The following NTM variants were observed in gnomAD, a reference collection of about 807,000 sequenced individuals.
NTM encodes the protein IgLON family member 2.
A neutral mutation model predicts 42.1 loss-of-function variants in NTM; 13 were observed. That is an observed-to-expected ratio of 0.31 (90% CI 0.20 to 0.49). The LOEUF (loss-of-function observed/expected upper bound fraction) is 0.49. Ranked by LOEUF, NTM falls within the 20% of genes least tolerant of loss-of-function variation. The pLI, the probability that NTM is intolerant of heterozygous loss-of-function variation, is 0.99. For missense variants in NTM, 373 were observed against 452.8 expected (o/e 0.82, Z 1.60); for synonymous variants, 187 against 179.2 (o/e 1.04, Z -0.35).
rs1947714247 is a variant in NTM, at chr11:131,423,175, G to T, written c.82+52287G>T. Among the ~76,000 whole-genome samples the T allele has an allele frequency of 2.6e-5, 4 of 152,166 alleles. No individual in the cohort carries two copies. In the South Asian group the frequency reaches 8.3e-4, roughly 32 times the overall value. ...TACATATGCATATTATAGCTTCAAA[G>T]GTGCTGCTTTGCATCCTTTCACTTA... On this transcript the variant is annotated intron_variant, in intron 1 of 8. Coordinates refer to ENST00000683400, the MANE Select transcript of NTM (RefSeq NM_001352005.2).
intron 1 of NTM, among the ~76,000 whole-genome samples, chr11:131,817,769 G>T (rs6590603): frequency 0.076 from 11,627 of 152,252 alleles, 1,468 homozygotes; most frequent in African/African-American, 0.27. Flanking sequence ...CGTGAAGTTG[G>T]CAACACATCC....
chr11:131,803,908 C>T (rs1336818800), intron 1 of NTM, among the ~76,000 whole-genome samples: 2 of 152,232 alleles, frequency 1.3e-5, no homozygotes, highest in African/African-American at 4.8e-5. Context: ...CTTCACCTCC[C>T]ACTGTCCAAT....
intron 4 of NTM, among the ~76,000 whole-genome samples, chr11:132,216,554 G>A (rs1047575170): frequency 2.0e-5 from 3 of 152,148 alleles, no homozygotes; most frequent in Non-Finnish European, 4.4e-5. Flanking sequence ...TATTGGTAGG[G>A]ATATTCAGCA....
rs546850119 is a variant in NTM, at chr11:131,886,441, A to G, written c.83-25123A>G. 8.7e-4 allele frequency among the ~76,000 whole-genome samples: 133 copies of G among 152,228 alleles called. 4 individuals are homozygous for G. The South Asian group carries it at 0.027, about 31-fold the overall frequency. ...TCCCCGTTCCCCACCTGGGGATGCA[A>G]TGGTTTTGCTGGGGCAGCAGTTCAT... On this transcript the variant is annotated intron_variant, in intron 1 of 8. Coordinates refer to ENST00000683400, the MANE Select transcript of NTM (RefSeq NM_001352005.2).
At chr11:131,510,728 T>A (rs2048118813) in intron 1 of NTM, among the ~76,000 whole-genome samples, 1 of 152,246 alleles carries the variant, frequency 6.6e-6, no homozygotes, top group Admixed American at 6.5e-5. Flanking sequence ...GCTCATCCTG[T>A]GCCCATCTCT....
intron 1 of NTM, among the ~76,000 whole-genome samples, chr11:131,587,931 G>T (rs1444202853): frequency 3.3e-5 from 5 of 152,220 alleles, no homozygotes; most frequent in African/African-American, 9.6e-5. Flanking sequence ...TGATGAGGAA[G>T]AGTGACCCAT....
intron 1 of NTM, among the ~76,000 whole-genome samples, chr11:131,577,153 A>C (rs1034472131): frequency 2.6e-5 from 4 of 152,234 alleles, no homozygotes; most frequent in Admixed American, 6.5e-5. Context: ...ATTGGTAAAC[A>C]GGAATAATTG....
intron 1 of NTM, among the ~76,000 whole-genome samples, chr11:131,430,817 T>A (rs1360215562): frequency 6.6e-6 from 1 of 152,248 alleles, no homozygotes; most frequent in African/African-American, 2.4e-5. Flanking sequence ...AGGACCTTTC[T>A]GGGCCACACA....
At chr11:132,314,039 T>G (rs1591945305) in intron 6 of NTM, among the ~76,000 whole-genome samples, 1 of 152,156 alleles carries the variant, frequency 6.6e-6, no homozygotes, top group Admixed American at 6.5e-5. Flanking sequence ...GTATTATCTA[T>G]ACAATGCAAT....
rs769724770 is a variant in NTM, at chr11:131,666,464, G to A, written c.83-245100G>A. Among the ~76,000 whole-genome samples, 129 of 152,154 alleles carry A rather than the reference G, an allele frequency of 8.5e-4. 4 individuals carry two copies. Among genetic ancestry groups the A allele is most frequent in the Non-Finnish European group, 1.6e-4 (11 of 68,036 alleles). On this transcript the variant is annotated intron_variant, in intron 1 of 8. Transcript: ENST00000683400. ...ATATACCACAAATGCACAAGGCGTT[G>A]CGAGGGCAGGAGACCACCTGACTGC...
intron 2 of NTM, among the ~76,000 whole-genome samples, chr11:132,104,491 T>C (rs1255208839): frequency 6.6e-6 from 1 of 151,752 alleles, no homozygotes; most frequent in Non-Finnish European, 1.5e-5. Context: ...GTGACTCACA[T>C]CTCTAATTCC....
intron 1 of NTM, among the ~76,000 whole-genome samples, chr11:131,711,552 C>A (rs1338996676): frequency 6.6e-6 from 1 of 152,162 alleles, no homozygotes; most frequent in Non-Finnish European, 1.5e-5. Flanking sequence ...ACTAATTCAA[C>A]CATTGTGGAA....
At chr11:131,875,518 G>A (rs1373610647) in intron 1 of NTM, among the ~76,000 whole-genome samples, 1 of 152,156 alleles carries the variant, frequency 6.6e-6, no homozygotes, top group African/African-American at 2.4e-5. Flanking sequence ...GTGCACTGTG[G>A]TGCTGTTATA....
intron 3 of NTM, among the ~76,000 whole-genome samples, chr11:132,156,268 C>A (rs1214084342): frequency 6.6e-6 from 1 of 152,190 alleles, no homozygotes; most frequent in Non-Finnish European, 1.5e-5. Flanking sequence ...TCCTGCCTCA[C>A]TATTTTCATT....
chr11:131,726,828 C>T (rs1267111266), intron 1 of NTM, among the ~76,000 whole-genome samples: 1 of 150,014 alleles, frequency 6.7e-6, no homozygotes, highest in Admixed American at 6.6e-5. Context: ...ATCCTTCTGC[C>T]TCAGCCTCAT....
intron 2 of NTM, among the ~76,000 whole-genome samples, chr11:131,954,381 C>A (rs1310793353): frequency 6.6e-6 from 1 of 152,190 alleles, no homozygotes; most frequent in Non-Finnish European, 1.5e-5. Context: ...AGGCTGCAGG[C>A]CAAGCCTTCA....
chr11:131,401,818 A>ATATATATATGTGTG (rs1555101739), intron 1 of NTM, among the ~76,000 whole-genome samples: 3 of 43,002 alleles, frequency 7.0e-5, no homozygotes, highest in African/African-American at 2.3e-4. Context: ...ATATATATAT[A>ATATATATATGTGTG]TATATATATA....
chr11:131,975,398 T>C (rs896861955), intron 2 of NTM, among the ~76,000 whole-genome samples: 2 of 152,196 alleles, frequency 1.3e-5, no homozygotes, highest in African/African-American at 4.8e-5. Flanking sequence ...CAGGCTGGTC[T>C]CTATCTCTTC....
chr11:131,536,745 CAG>C (rs1218310647), intron 1 of NTM: 5 of 152,154 alleles, frequency 3.3e-5, no homozygotes, highest in African/African-American at 1.2e-4. Flanking sequence ...AATAGTGAGA[CAG>C]AGGCACACGT....
Sources: allele counts gnomAD v4.1 joint callset (sites outside exome capture counted in the v4.1 genomes callset), GRCh38; gene constraint gnomAD v4.1.1; transcripts MANE v1.5; gene names NCBI Gene and HGNC (gene_info 2026-07-23, HGNC 2026-07-21).